Variants in SGK2 observed in about 807,000 individuals in gnomAD.
The protein encoded by SGK2 is serum/glucocorticoid regulated kinase 2.
A neutral mutation model predicts 47.5 loss-of-function variants in SGK2; 36 were observed. The observed-to-expected ratio is 0.76, with a 90% confidence interval of 0.58 to 1.00. The LOEUF is 1.00. Among genes scored for constraint, SGK2 ranks in the 50% least tolerant of loss-of-function variants. SGK2 has a pLI of 0.00. For missense variants in SGK2, 404 were observed against 467.4 expected (o/e 0.86, Z 1.25); for synonymous variants, 157 against 181.9 (o/e 0.86, Z 1.10).
Position 43,570,611 on chromosome 20 carries a change from C to A in SGK2, c.361-6C>A. ...TAACTCCTGTCACACTCCTCCTCCCCTCCAGCTCTTCTTCCACCTGCAGCG... is the reference window on the plus strand; with the variant it reads ...TAACTCCTGTCACACTCCTCCTCCCATCCAGCTCTTCTTCCACCTGCAGCG... On this transcript the variant is annotated splice_region_variant and splice_polypyrimidine_tract_variant and intron_variant, in intron 6 of 12. Transcript: ENST00000373100. 1 of 1,597,294 alleles carries A rather than the reference C, an allele frequency of 6.3e-7. No homozygotes were observed. Among genetic ancestry groups the A allele is most frequent in the Non-Finnish European group, 8.6e-7 (1 of 1,168,866 alleles).
At chr20:43,571,974 T>C (rs1050694017) in intron 8 of SGK2, 77 bp from the exon 9 acceptor site, 1 of 1,025,038 alleles carries the variant, frequency 9.8e-7, no homozygotes, top group African/African-American at 1.6e-5. Context: ...GGGTGTGGCA[T>C]CTGGGCTTTG....
intron 9 of SGK2, among the ~76,000 whole-genome samples, chr20:43,573,476 C>T (rs1980272858): frequency 1.6e-5 from 2 of 128,146 alleles, no homozygotes; most frequent in African/African-American, 3.0e-5. Context: ...TGGACAAGAG[C>T]GAGACTCTGT....
rs1979249351 is a variant in SGK2, at chr20:43,559,168, C to A, written c.-24+9C>A. On this transcript the variant is annotated intron_variant, in intron 1 of 12. Coordinates refer to ENST00000373100, the MANE Select transcript of SGK2 (RefSeq NM_170693.3). ...GAACCTGGAGTTTTCAGGTGAGAGG[C>A]TCACCTGTGAGCAGGATACCTGCCT... The A allele has an allele frequency of 1.3e-5, 2 of 152,288 alleles. No individual in the cohort carries two copies. Among genetic ancestry groups the A allele is most frequent in the African/African-American group, 4.8e-5 (2 of 41,468 alleles). The allele number at this position is 152,288 out of a possible 1,614,324, so 9.4% of individuals were successfully genotyped here.
chr20:43,583,653 T>A (rs748658244), intron 12 of SGK2: 131 of 975,142 alleles, frequency 1.3e-4, no homozygotes, highest in Non-Finnish European at 1.6e-4. Flanking sequence ...AACAAGCAAC[T>A]CCAAAGCTAG....
chr20:43,572,175 T>C lies in SGK2; in HGVS notation c.597+38T>C. On this transcript the variant is annotated intron_variant, in intron 9 of 12. Transcript: ENST00000373100. The surrounding 1 kb of genome is among the most constrained non-coding windows in gnomAD (Gnocchi z 4.2). ...ATCCCAGGAGAGGGGAGGTCATGAGTGGGTGAGGCCACAGCTCCTGATTAG... is the reference window on the plus strand; with the variant it reads ...ATCCCAGGAGAGGGGAGGTCATGAGCGGGTGAGGCCACAGCTCCTGATTAG... 6.9e-7 allele frequency: 1 copy of C among 1,449,692 alleles called. No homozygotes were observed. Among genetic ancestry groups the C allele is most frequent in the Non-Finnish European group, 9.5e-7 (1 of 1,055,692 alleles). 89.8% of individuals were successfully genotyped at this position (1,449,692 alleles called of 1,614,324 possible). A position where few individuals can be genotyped will look rare whatever the true frequency, so the allele number is the denominator to read the frequency against.
intron 12 of SGK2, among the ~76,000 whole-genome samples, chr20:43,580,411 T>C (rs1039418349): frequency 6.6e-6 from 1 of 152,174 alleles, no homozygotes; most frequent in African/African-American, 2.4e-5. Context: ...ATAATAAAAA[T>C]GACATATATC....
At chr20:43,566,372 TA>T in intron 1 of SGK2, 100 bp from the exon 2 acceptor site, 1 of 1,614,038 alleles carries the variant, frequency 6.2e-7, no homozygotes, top group Non-Finnish European at 8.5e-7. Flanking sequence ...GGTGCACAGG[TA>T]GGGGAGGATG....
In SGK2 at chr20:43,567,054, A is replaced by G. The variant is rs1568661804; in HGVS notation, c.37-14A>G. On this transcript the variant is annotated splice_polypyrimidine_tract_variant and intron_variant, in intron 2 of 12. Transcript: ENST00000373100. The stretch of plus-strand genomic sequence containing the variant: ...GAGTAGGGATCTGCTGATCATAATC[A>G]CTTCTTTCTTTAGCCCTCCAGGGCC... The G allele has an allele frequency of 6.2e-7, 1 of 1,612,568 alleles. No individual in the cohort carries two copies. The highest frequency in any genetic ancestry group is 8.5e-7 in the Non-Finnish European group (1 of 1,178,630).
intron 9 of SGK2, among the ~76,000 whole-genome samples, chr20:43,574,062 T>G (rs1398113160): frequency 6.6e-6 from 1 of 152,092 alleles, no homozygotes; most frequent in Non-Finnish European, 1.5e-5. Flanking sequence ...ATCTTCACAT[T>G]TTTAGGATGA....
At chr20:43,570,847 G>A in intron 7 of SGK2, 118 bp downstream of exon 7, 1 of 1,251,798 alleles carries the variant, frequency 8.0e-7, no homozygotes, top group Non-Finnish European at 1.1e-6. Flanking sequence ...TGTTTTGGGT[G>A]GGGTTGGAGT....
intron 1 of SGK2, among the ~76,000 whole-genome samples, chr20:43,560,216 C>T (rs996366757): frequency 3.3e-5 from 5 of 152,152 alleles, no homozygotes; most frequent in East Asian, 3.9e-4. Flanking sequence ...TTAAAATAAC[C>T]GGCCGGGTAC....
intron 1 of SGK2, chr20:43,564,795 G>A (rs1019173539): frequency 5.2e-5 from 8 of 152,576 alleles, no homozygotes; most frequent in African/African-American, 1.9e-4. Context: ...GACATATGCT[G>A]ATGTAAATGT....
At position 43,566,442 on chromosome 20, in the gene SGK2, C is replaced by G. The variant is rs764015002; in HGVS notation, c.-23-31C>G. On this transcript the variant is annotated intron_variant, in intron 1 of 12. Transcript: ENST00000373100. ...CGGAGCTGACCCCCCAACACCAACT[C>G]TCTCATGCCTGCTCCTCCCTGTCCC... 5.6e-6 allele frequency: 9 copies of G among 1,614,160 alleles called. No homozygotes were observed. The highest frequency in any genetic ancestry group is 1.6e-4 in the Middle Eastern group (1 of 6,062).
intron 7 of SGK2, 72 bp downstream of exon 7, chr20:43,570,801 C>A: frequency 7.5e-7 from 1 of 1,336,662 alleles, no homozygotes; most frequent in South Asian, 1.3e-5. Flanking sequence ...TGTGTGGACA[C>A]TAAATCCTGA....
At position 43,569,398 on chromosome 20, in the gene SGK2, T is replaced by C; in HGVS notation, c.242T>C (p.Met81Thr). The C allele has an allele frequency of 1.2e-6, 2 of 1,613,992 alleles. No homozygotes were observed. The highest frequency in any genetic ancestry group is 1.7e-6 in the Non-Finnish European group (2 of 1,180,014). Residue 81 changes from methionine to threonine, a missense_variant, in exon 6 of 13, where the codon ATG becomes ACG. Met to Thr is a moderately conservative substitution (Grantham distance 81). Transcript: ENST00000373100. ...ILKKKEQSHI[M>T]AERSVLLKNV... is the part of the protein sequence containing the mutation. ...GTGACTCCACAGCAGAGCCACATCA[T>C]GGCAGAGCGCAGTGTGCTTCTGAAG...
At position 43,569,532 on chromosome 20, in the gene SGK2, G is replaced by T. The variant is rs746281463; in HGVS notation, c.360+16G>T. On this transcript the variant is annotated intron_variant, in intron 6 of 12. Transcript: ENST00000373100. ...CGGGGGAGAGGTGGGTGGGCCCACAGGGAGGCTTCCCTGGGCTGGCTCTCG... is the reference window on the plus strand; with the variant it reads ...CGGGGGAGAGGTGGGTGGGCCCACATGGAGGCTTCCCTGGGCTGGCTCTCG... 5.6e-6 allele frequency: 9 copies of T among 1,611,236 alleles called. No individual in the cohort carries two copies. Among genetic ancestry groups the T allele is most frequent in the Non-Finnish European group, 6.8e-6 (8 of 1,179,938 alleles).
chr20:43,564,893 A>G lies in SGK2; in HGVS notation c.-23-1580A>G, dbSNP rs1234643544. ...AAATACCTGAAATACACAGCCACAG[A>G]CAGACACACACGGAAGCACTCTATG... On this transcript the variant is annotated intron_variant, in intron 1 of 12. Transcript: ENST00000373100. 5 of 152,910 alleles carry G rather than the reference A, an allele frequency of 3.3e-5. No homozygotes were observed. In the East Asian group the frequency reaches 7.7e-4, roughly 24 times the overall value. 9.5% of individuals were successfully genotyped at this position (152,910 alleles called of 1,614,324 possible).
intron 11 of SGK2, among the ~76,000 whole-genome samples, chr20:43,577,346 GCTT>G (rs1364228389): frequency 7.0e-6 from 1 of 143,228 alleles, no homozygotes. Flanking sequence ...CACTGCATCT[GCTT>G]TTTTTTTTTT....
intron 10 of SGK2, among the ~76,000 whole-genome samples, chr20:43,575,950 A>G (rs1276354461): frequency 6.6e-6 from 1 of 152,218 alleles, no homozygotes; most frequent in Non-Finnish European, 1.5e-5. Context: ...GATTAAGGTG[A>G]AAGTGCAAAT....
Sources: allele counts gnomAD v4.1 joint callset (sites outside exome capture counted in the v4.1 genomes callset), GRCh38; gene constraint gnomAD v4.1.1; non-coding constraint Gnocchi (gnomAD v3.1); transcripts MANE v1.5; gene names NCBI Gene and HGNC (gene_info 2026-07-23, HGNC 2026-07-21).